The following IGF1R variants were observed in gnomAD, a reference collection of about 807,000 sequenced individuals.
IGF1R encodes the protein insulin like growth factor 1 receptor, also known as insulin-like growth factor 1 receptor.
In IGF1R, 44 loss-of-function variants were observed where a neutral mutation model predicts 144.6. The observed-to-expected ratio is 0.30, with a 90% CI of 0.24 to 0.39. The LOEUF (loss-of-function observed/expected upper bound fraction) is 0.39. Ranked by LOEUF, IGF1R falls within the 10% of genes least tolerant of loss-of-function variation. IGF1R has a pLI of 1.00. For missense variants in IGF1R, 1,355 were observed against 1,833.7 expected, an observed-to-expected ratio of 0.74 and a Z score of 4.77; for synonymous variants, 795 against 722.8, an observed-to-expected ratio of 1.10 and a Z score of -1.60.
intron 1 of IGF1R, among the ~76,000 whole-genome samples, chr15:98,661,439 G>T (rs751539650): frequency 1.2e-4 from 18 of 152,184 alleles, no homozygotes; most frequent in Admixed American, 3.9e-4. Context: ...CGAGGAGTGG[G>T]GTGGGATATT....
chr15:98,756,328 T>C (rs998787878), intron 2 of IGF1R, among the ~76,000 whole-genome samples: 2 of 151,858 alleles, frequency 1.3e-5, no homozygotes, highest in South Asian at 2.1e-4. Context: ...TCCCAGAACA[T>C]TTTAAAACAA....
intron 3 of IGF1R, among the ~76,000 whole-genome samples, chr15:98,895,749 G>A (rs1438428961): frequency 6.6e-6 from 1 of 152,196 alleles, no homozygotes; most frequent in African/African-American, 2.4e-5. Context: ...AATAAAAAGA[G>A]CTATAATTTA....
At chr15:98,672,094 C>T (rs1278690307) in intron 1 of IGF1R, among the ~76,000 whole-genome samples, 1 of 152,118 alleles carries the variant, frequency 6.6e-6, no homozygotes, top group East Asian at 1.9e-4. Context: ...CAGTTGTTTC[C>T]CTCATAATGT....
At chr15:98,650,328 C>G (rs1041126864) in intron 1 of IGF1R, among the ~76,000 whole-genome samples, 1 of 152,202 alleles carries the variant, frequency 6.6e-6, no homozygotes, top group Non-Finnish European at 1.5e-5. Flanking sequence ...TCACTTTGGC[C>G]CGCTCCTCGT....
chr15:98,862,227 C>A (rs1596370003), intron 2 of IGF1R, among the ~76,000 whole-genome samples: 1 of 152,166 alleles, frequency 6.6e-6, no homozygotes, highest in Admixed American at 6.5e-5. Flanking sequence ...GATGATAGAG[C>A]AGGGTATATG....
chr15:98,916,511 C>G, intron 9 of IGF1R, 161 bp from the exon 10 acceptor site: 1 of 720,570 alleles, frequency 1.4e-6, no homozygotes, highest in Non-Finnish European at 2.5e-6. Flanking sequence ...ATTTGCCCGC[C>G]TCGGCCTCCC....
chr15:98,903,195 T>C (rs1389826819), intron 5 of IGF1R, among the ~76,000 whole-genome samples: 2 of 152,184 alleles, frequency 1.3e-5, no homozygotes, highest in African/African-American at 4.8e-5. Context: ...TAAGAGAATA[T>C]TTTCACTATC....
At chr15:98,680,270 C>CTT (rs61048587) in intron 1 of IGF1R, among the ~76,000 whole-genome samples, 2 of 145,208 alleles carry the variant, frequency 1.4e-5, no homozygotes, top group Non-Finnish European at 3.0e-5. Flanking sequence ...CGTATGTATA[C>CTT]TTTTTTTTTT....
intron 18 of IGF1R, among the ~76,000 whole-genome samples, chr15:98,942,436 T>A (rs72547245): frequency 6.6e-6 from 1 of 152,266 alleles, no homozygotes; most frequent in Non-Finnish European, 1.5e-5. Flanking sequence ...AGGGCTCAAG[T>A]GATTCTTCCA....
At chr15:98,895,020 C>CAAAAAAAAAA (rs368393677) in intron 3 of IGF1R, among the ~76,000 whole-genome samples, 3,749 of 111,576 alleles carry the variant, frequency 0.034, 78 homozygotes, top group East Asian at 0.11. Context: ...GACCCTGTCT[C>CAAAAAAAAAA]AAAAAAAAAA....
chr15:98,801,320 C>T (rs1371781160), intron 2 of IGF1R, among the ~76,000 whole-genome samples: 3 of 152,210 alleles, frequency 2.0e-5, no homozygotes, highest in Non-Finnish European at 2.9e-5. Context: ...GCCACCAAAA[C>T]CTGAATTGGA....
intron 2 of IGF1R, among the ~76,000 whole-genome samples, chr15:98,858,614 T>C (rs576399805): frequency 4.2e-4 from 64 of 152,284 alleles, no homozygotes; most frequent in Non-Finnish European, 8.4e-4. Context: ...TATAAAGGCT[T>C]AGAGAACTCT....
chr15:98,819,539 C>T (rs2056764224), intron 2 of IGF1R, among the ~76,000 whole-genome samples: 1 of 152,204 alleles, frequency 6.6e-6, no homozygotes, highest in African/African-American at 2.4e-5. Context: ...CTGCCAGTGC[C>T]TTGATCTTGG....
intron 2 of IGF1R, among the ~76,000 whole-genome samples, chr15:98,787,112 C>T (rs184486255): frequency 9.2e-5 from 14 of 152,230 alleles, no homozygotes; most frequent in Middle Eastern, 3.4e-3. Context: ...GGCTGGGACT[C>T]GGGCAAGGGA....
In IGF1R at chr15:98,935,509, G is replaced by A; in HGVS notation, c.3297+83G>A. On this transcript the variant is annotated intron_variant, in intron 17 of 20. Coordinates refer to ENST00000650285, the MANE Select transcript of IGF1R (RefSeq NM_000875.5). This position sits in a 1 kb window ranked among gnomAD's most constrained non-coding sequence, Gnocchi z 4.2. ...TAATCTCCCTGCAAGGAAATGCTGT[G>A]TCTTTAAATCAGTTTACTTTCCAGC... The A allele has an allele frequency of 1.2e-6, 1 of 838,754 alleles. No homozygotes were observed. 52.0% of individuals were successfully genotyped at this position (838,754 alleles called of 1,614,324 possible).
chr15:98,872,263 A>G (rs1471599228), intron 2 of IGF1R, among the ~76,000 whole-genome samples: 1 of 152,072 alleles, frequency 6.6e-6, no homozygotes, highest in Non-Finnish European at 1.5e-5. Flanking sequence ...TTGTCTTATG[A>G]TTTTTTTTCT....
At chr15:98,820,511 C>T (rs1403142465) in intron 2 of IGF1R, among the ~76,000 whole-genome samples, 2 of 152,186 alleles carry the variant, frequency 1.3e-5, no homozygotes, top group African/African-American at 2.4e-5. Context: ...GATAATGATG[C>T]TCCCAGGTGG....
chr15:98,897,454 A>G (rs1307956901), intron 4 of IGF1R: 1 of 156,636 alleles, frequency 6.4e-6, no homozygotes, highest in Non-Finnish European at 1.4e-5. Flanking sequence ...TCACCCCTGT[A>G]CAATGACCTT....
chr15:98,756,249 GTT>G (rs35407450), intron 2 of IGF1R, among the ~76,000 whole-genome samples: 4,277 of 142,100 alleles, frequency 0.03, 137 homozygotes, highest in African/African-American at 0.078. Flanking sequence ...GAAATAACCT[GTT>G]TTTTTTTTTT....
Sources: allele counts gnomAD v4.1 joint callset (sites outside exome capture counted in the v4.1 genomes callset), GRCh38; gene constraint gnomAD v4.1.1; non-coding constraint Gnocchi (gnomAD v3.1); transcripts MANE v1.5; gene names NCBI Gene and HGNC (gene_info 2026-07-23, HGNC 2026-07-21).